SHISA9: variants seen among roughly 807,000 people sequenced by gnomAD.
SHISA9 encodes the protein shisa family member 9.
A neutral mutation model predicts 38.0 loss-of-function variants in SHISA9; 13 were observed. That is an observed-to-expected ratio of 0.34 (90% CI 0.22 to 0.54). The LOEUF is 0.54. Ranked by LOEUF, SHISA9 falls within the 20% of genes least tolerant of loss-of-function variation. The pLI is 0.91. For missense variants in SHISA9, 538 were observed against 575.8 expected (o/e 0.93, Z 0.67); for synonymous variants, 275 against 242.0 (o/e 1.14, Z -1.27).
At chr16:13,226,791 C>G (rs908783509) in intron 4 of SHISA9, among the ~76,000 whole-genome samples, 1 of 152,126 alleles carries the variant, frequency 6.6e-6, no homozygotes, top group Admixed American at 6.5e-5. Flanking sequence ...TTGTGTTGAA[C>G]AGGGGTAACT....
At chr16:13,521,106 T>C in the SHISA9 span, among the ~76,000 whole-genome samples, 1 of 152,200 alleles carries the variant, frequency 6.6e-6, no homozygotes, top group African/African-American at 2.4e-5. Context: ...GTCTCATCAG[T>C]GAAGAGCAGC....
chr16:13,518,265 T>A, the SHISA9 span, among the ~76,000 whole-genome samples: 1 of 123,452 alleles, frequency 8.1e-6, no homozygotes, highest in East Asian at 2.4e-4. Flanking sequence ...TCTCGGTGGT[T>A]CAGAAAAATT....
the SHISA9 span, among the ~76,000 whole-genome samples, chr16:13,498,908 C>G: frequency 6.6e-6 from 1 of 152,212 alleles, no homozygotes; most frequent in East Asian, 1.9e-4. Flanking sequence ...TTAGCAGACA[C>G]TGATCTGGCC....
intron 4 of SHISA9, among the ~76,000 whole-genome samples, chr16:13,231,657 C>G (rs767152024): frequency 1.4e-4 from 21 of 152,190 alleles, no homozygotes; most frequent in Admixed American, 3.9e-4. Flanking sequence ...TCAACTTAAA[C>G]TGTATCATAC....
chr16:13,353,548 G>T, the SHISA9 span, among the ~76,000 whole-genome samples: 1 of 151,692 alleles, frequency 6.6e-6, no homozygotes, highest in Non-Finnish European at 1.5e-5. Context: ...GTAAATAGGA[G>T]TATGATTAGA....
chr16:13,110,540 C>T (rs1309225309), intron 2 of SHISA9, among the ~76,000 whole-genome samples: 1 of 152,160 alleles, frequency 6.6e-6, no homozygotes, highest in Non-Finnish European at 1.5e-5. Flanking sequence ...CCCTTTTCAG[C>T]CTCAATGACT....
chr16:13,409,401 G>C, the SHISA9 span, among the ~76,000 whole-genome samples: 1 of 152,246 alleles, frequency 6.6e-6, no homozygotes, highest in Non-Finnish European at 1.5e-5. Context: ...GGTCCACTGA[G>C]CTGGTTAACA....
the SHISA9 span, among the ~76,000 whole-genome samples, chr16:13,333,584 A>G: frequency 0.059 from 8,981 of 152,296 alleles, 374 homozygotes; most frequent in Non-Finnish European, 0.09. Flanking sequence ...CAAGAGCCAC[A>G]TCATGTTTTC....
the SHISA9 span, among the ~76,000 whole-genome samples, chr16:13,371,460 G>T: frequency 6.6e-6 from 1 of 152,154 alleles, no homozygotes; most frequent in African/African-American, 2.4e-5. Flanking sequence ...GTTGCCTGGG[G>T]AGGCTGTGGT....
chr16:13,309,368 C>T, the SHISA9 span, among the ~76,000 whole-genome samples: 7 of 152,088 alleles, frequency 4.6e-5, no homozygotes, highest in African/African-American at 1.4e-4. Flanking sequence ...TGAGGCCGGG[C>T]GCAGTGACTC....
At chr16:13,268,074 A>C in the SHISA9 span, among the ~76,000 whole-genome samples, 1 of 152,044 alleles carries the variant, frequency 6.6e-6, no homozygotes, top group East Asian at 1.9e-4. Context: ...CTAGGACCTC[A>C]TCCCTTACTA....
the SHISA9 span, among the ~76,000 whole-genome samples, chr16:13,280,055 C>T: frequency 6.7e-6 from 1 of 150,252 alleles, no homozygotes; most frequent in African/African-American, 2.4e-5. Context: ...TTCATGGGAT[C>T]AGAGTAGTGA....
At chr16:13,368,279 A>T in the SHISA9 span, among the ~76,000 whole-genome samples, 2 of 152,138 alleles carry the variant, frequency 1.3e-5, no homozygotes, top group Non-Finnish European at 2.9e-5. Flanking sequence ...GTGAGGTGAG[A>T]AAAGGGGGAT....
At chr16:13,554,823 T>C in the SHISA9 span, among the ~76,000 whole-genome samples, 1 of 152,058 alleles carries the variant, frequency 6.6e-6, no homozygotes, top group South Asian at 2.1e-4. Flanking sequence ...ATGTGGGAAA[T>C]ACAAAGGACT....
intron 2 of SHISA9, among the ~76,000 whole-genome samples, chr16:13,010,060 C>G (rs1366551367): frequency 6.6e-6 from 1 of 152,048 alleles, no homozygotes; most frequent in African/African-American, 2.4e-5. Flanking sequence ...CACCTGTGGT[C>G]CCAGCTACTC....
the SHISA9 span, chr16:13,458,727 G>T: frequency 4.3e-6 from 1 of 231,704 alleles, no homozygotes; most frequent in South Asian, 6.0e-5. Context: ...TCAAATAGAT[G>T]AACATTTAAG....
intron 4 of SHISA9, among the ~76,000 whole-genome samples, chr16:13,231,965 A>G (rs550136661): frequency 6.6e-6 from 1 of 152,258 alleles, no homozygotes; most frequent in Non-Finnish European, 1.5e-5. Context: ...CAAGCGGGAG[A>G]AATAGTCCCC....
chr16:13,492,273 C>G, the SHISA9 span, among the ~76,000 whole-genome samples: 2 of 152,228 alleles, frequency 1.3e-5, no homozygotes, highest in Non-Finnish European at 2.9e-5. Flanking sequence ...TCTGTGTTCT[C>G]ACTTAAATAA....
chr16:13,094,123 G>A lies in SHISA9; in HGVS notation c.692-109271G>A, dbSNP rs530413042. On this transcript the variant is annotated intron_variant, in intron 2 of 4. Coordinates refer to ENST00000558583, the MANE Select transcript of SHISA9 (RefSeq NM_001145204.3). ...TTGCCACTGTGCTAGCAGAAAAGACGTTGGGAAAGAAAAGATTGTCATTGT... is the reference window on the plus strand; with the variant it reads ...TTGCCACTGTGCTAGCAGAAAAGACATTGGGAAAGAAAAGATTGTCATTGT... Among the ~76,000 whole-genome samples the A allele has an allele frequency of 6.1e-4, 93 of 152,240 alleles. No homozygotes were observed. The Middle Eastern group carries it at 0.01, about 17-fold the overall frequency.
Sources: allele counts gnomAD v4.1 joint callset (sites outside exome capture counted in the v4.1 genomes callset), GRCh38; gene constraint gnomAD v4.1.1; transcripts MANE v1.5; gene names NCBI Gene and HGNC (gene_info 2026-07-23, HGNC 2026-07-21).